The following AKAP3 variants were observed in gnomAD, a reference collection of about 807,000 sequenced individuals.
The protein encoded by AKAP3 is A-kinase anchoring protein 3.
Under a neutral mutation model 57.2 loss-of-function variants are expected in AKAP3, and 27 were observed. The observed-to-expected ratio is 0.47, with a 90% confidence interval of 0.35 to 0.65. AKAP3 has a LOEUF of 0.65. Among genes scored for constraint, AKAP3 ranks in the 30% least tolerant of loss-of-function variants. AKAP3 has a pLI of 0.01. For synonymous variants in AKAP3, 334 were observed against 392.3 expected, an observed-to-expected ratio of 0.85 and a Z score of 1.76; for missense variants, 959 against 1,040.0, an observed-to-expected ratio of 0.92 and a Z score of 1.07.
intron 5 of AKAP3, among the ~76,000 whole-genome samples, chr12:4,620,464 G>T (rs796626041): frequency 8.8e-5 from 9 of 101,832 alleles, no homozygotes; most frequent in Non-Finnish European, 1.8e-5. Context: ...GTGACAGAGC[G>T]AGACTGTCTC....
rs375126009 is a variant in AKAP3 at position 4,627,408 on chromosome 12, T to C, written c.1494A>G (p.Glu498=). The C allele has an allele frequency of 3.3e-5, 54 of 1,613,994 alleles. No homozygotes were observed. In the South Asian group the frequency reaches 5.6e-4, roughly 17 times the overall value. The change falls in exon 5 of 6, where the codon GAA becomes GAG. Residue 498 remains glutamate (E), a synonymous_variant. Transcript: ENST00000228850. Reference sequence around the variant, plus strand: ...GAGGAAGGCTGAGGTTGCCAATATCTTCAGGGTACTCAAAGGAAATGTCTG... The same window carrying C: ...GAGGAAGGCTGAGGTTGCCAATATCCTCAGGGTACTCAAAGGAAATGTCTG... The part of the protein sequence containing the change: ...PASDISFEYP[E]DIGNLSLPPY...
Position 4,627,352 on chromosome 12 carries a change from A to T in AKAP3, c.1550T>A (p.Met517Lys), listed in dbSNP as rs748250818. ...CTCGGCCCAGGAGTCTGAATCATAC[A>T]TAAAATTCTCAGGTTTCTCTGGAGG... is the stretch of plus-strand genomic sequence containing the variant. ...PYPPEKPENF[M>K]YDSDSWAEDL... The change falls in exon 5 of 6, where the codon ATG (methionine) becomes AAG (lysine). Residue 517 changes from methionine (M) to lysine (K), a missense_variant. By Grantham distance (95) the Met-to-Lys change is moderately conservative. Coordinates refer to ENST00000228850, the MANE Select transcript of AKAP3 (RefSeq NM_001278309.2). 6.2e-7 allele frequency: 1 copy of T among 1,614,028 alleles called. No homozygotes were observed. Among genetic ancestry groups the T allele is most frequent in the African/African-American group, 1.3e-5 (1 of 74,914 alleles).
chr12:4,629,510 G>A (rs1247030554), intron 4 of AKAP3, among the ~76,000 whole-genome samples: 1 of 152,036 alleles, frequency 6.6e-6, no homozygotes. Flanking sequence ...GAGAGGACAA[G>A]GAAAAATAAC....
chr12:4,643,093 G>A (rs1331483762), intron 2 of AKAP3, among the ~76,000 whole-genome samples: 9 of 152,108 alleles, frequency 5.9e-5, no homozygotes, highest in African/African-American at 2.2e-4. Context: ...CATCTTAAAA[G>A]TGCTTTTGTA....
At position 4,615,857 on chromosome 12, in the gene AKAP3, C is replaced by T. The variant is rs1206635501; in HGVS notation, c.2444G>A (p.Cys815Tyr). ...CGACTGCAGAACCTCGCCCACACTG[C>T]ATCCTTTGTCCACAGCAGCAGCTGA... ...QLSAAAVDKGCSVGEVLQSVL... is the reference protein window; with the variant it reads ...QLSAAAVDKGYSVGEVLQSVL... Residue 815 changes from cysteine (C) to tyrosine (Y), a missense_variant, in exon 6 of 6, where the codon TGC (cysteine) becomes TAC (tyrosine). Coordinates refer to ENST00000228850, the MANE Select transcript of AKAP3 (RefSeq NM_001278309.2). The T allele has an allele frequency of 6.2e-7, 1 of 1,614,238 alleles. No individual in the cohort carries two copies. The highest frequency in any genetic ancestry group is 2.2e-5 in the East Asian group (1 of 44,886).
At chr12:4,638,220 G>GA (rs1945590342) in intron 3 of AKAP3, 24 bp from the exon 4 acceptor site, 2 of 1,532,724 alleles carry the variant, frequency 1.3e-6, no homozygotes, top group African/African-American at 2.8e-5. Context: ...AAAAAAATGA[G>GA]AAAGGGTCAT....
At chr12:4,620,474 CAA>C (rs35307509) in intron 5 of AKAP3, among the ~76,000 whole-genome samples, 123 of 82,666 alleles carry the variant, frequency 1.5e-3, no homozygotes, top group African/African-American at 5.3e-3. Flanking sequence ...GAGACTGTCT[CAA>C]AAAAAAAAAA....
rs576794908 is a variant in AKAP3, at chr12:4,625,172, G to C, written c.2406+1324C>G. Among the ~76,000 whole-genome samples, 1 of 152,224 alleles carries C rather than the reference G, an allele frequency of 6.6e-6. No individual in the cohort carries two copies. The highest frequency in any genetic ancestry group is 1.9e-4 in the East Asian group (1 of 5,178). ...GACAGAGCTTGCCAACGACCCTTAGGAATAGATCTAATATTGGAAGTTCAC... is the reference window on the plus strand; with the variant it reads ...GACAGAGCTTGCCAACGACCCTTAGCAATAGATCTAATATTGGAAGTTCAC... On this transcript the variant is annotated intron_variant, in intron 5 of 5. Transcript: ENST00000228850. This position sits in a 1 kb window ranked among gnomAD's most constrained non-coding sequence, Gnocchi z 5.4.
chr12:4,628,507 G>C lies in AKAP3; in HGVS notation c.395C>G (p.Thr132Arg). ...DEVSFYANRL[T>R]NLVIAMARKE... The stretch of plus-strand genomic sequence containing the variant: ...GCGGGCCATGGCTATGACTAGATTC[G>C]TGAGGCGGTTAGCATAGAAGGAAAC... The change falls in exon 5 of 6, where the codon ACG (threonine) becomes AGG (arginine). Residue 132 changes from threonine to arginine, a missense_variant. Physicochemically the swap from Thr to Arg is moderately conservative, Grantham distance 71. Transcript: ENST00000228850. The C allele has an allele frequency of 6.2e-7, 1 of 1,614,192 alleles. No homozygotes were observed. Among genetic ancestry groups the C allele is most frequent in the Non-Finnish European group, 8.5e-7 (1 of 1,180,026 alleles).
chr12:4,637,606 C>T (rs530628471), intron 4 of AKAP3, among the ~76,000 whole-genome samples: 25 of 152,062 alleles, frequency 1.6e-4, no homozygotes, highest in East Asian at 1.2e-3. Flanking sequence ...TAGACCCTGA[C>T]GATACATTGC....
At chr12:4,620,351 C>T (rs1166192623) in intron 5 of AKAP3, among the ~76,000 whole-genome samples, 4 of 151,424 alleles carry the variant, frequency 2.6e-5, no homozygotes, top group African/African-American at 7.3e-5. Context: ...TTACAGTGCA[C>T]CTGTAATCCC....
intron 4 of AKAP3, chr12:4,636,223 G>A (rs1033151710): frequency 1.1e-4 from 52 of 467,132 alleles, no homozygotes; most frequent in East Asian, 6.7e-4. Flanking sequence ...GAATTCAAGC[G>A]GTCAATTTTC....
intron 3 of AKAP3, among the ~76,000 whole-genome samples, chr12:4,639,839 CAG>C (rs1427735518): frequency 1.7e-5 from 2 of 117,398 alleles, no homozygotes; most frequent in Non-Finnish European, 3.3e-5. Flanking sequence ...TTTTTTGAGA[CAG>C]AGTCTCGCTC....
At chr12:4,618,356 T>C (rs1310302198) in intron 5 of AKAP3, among the ~76,000 whole-genome samples, 1 of 152,228 alleles carries the variant, frequency 6.6e-6, no homozygotes, top group African/African-American at 2.4e-5. Context: ...GATGGATAAT[T>C]CAGAGGGGCC....
chr12:4,632,638 TTTTG>T (rs961177619), intron 4 of AKAP3, among the ~76,000 whole-genome samples: 5 of 146,836 alleles, frequency 3.4e-5, no homozygotes, highest in African/African-American at 7.7e-5. Context: ...GTTTGTTTGT[TTTTG>T]TTTTTGTTTT....
chr12:4,628,028 C>G lies in AKAP3; in HGVS notation c.874G>C (p.Val292Leu). ...ATGGAGACCATCATATCAGATACCA[C>G]ACTGTTAGCATAGGTCATGATCCCT... ...SEGIMTYANS[V>L]VSDMMVSIMK... Residue 292 changes from valine (V) to leucine (L), a missense_variant, in exon 5 of 6, where the codon GTG becomes CTG. Val to Leu is a conservative substitution (Grantham distance 32). Coordinates refer to ENST00000228850, the MANE Select transcript of AKAP3 (RefSeq NM_001278309.2). The G allele has an allele frequency of 1.2e-6, 2 of 1,614,112 alleles. No individual in the cohort carries two copies. The highest frequency in any genetic ancestry group is 1.7e-6 in the Non-Finnish European group (2 of 1,180,004).
chr12:4,626,444 C>A, intron 5 of AKAP3, 52 bp downstream of exon 5: 1 of 1,558,456 alleles, frequency 6.4e-7, no homozygotes, highest in South Asian at 1.2e-5. Flanking sequence ...GAACTTAAAG[C>A]CCTAGTTAAA....
rs1291722672 is a variant in AKAP3, at chr12:4,635,622, ATGCT to A, written c.96+2475_96+2478del. 9.2e-5 allele frequency: 71 copies of A among 769,812 alleles called. No homozygotes were observed. The Admixed American group carries it at 1.4e-3, about 15-fold the overall frequency. 47.7% of individuals were successfully genotyped at this position (769,812 alleles called of 1,614,324 possible). On this transcript the variant is annotated intron_variant, in intron 4 of 5. Transcript: ENST00000228850. ...GATAAAGCTATTACAATATCAGGACATGCTTGCCTCTGAAGTTCTTTAACCCAAT... is the reference window on the plus strand; with the variant it reads ...GATAAAGCTATTACAATATCAGGACATGCCTCTGAAGTTCTTTAACCCAAT...
At chr12:4,641,062 C>CTTTTTTTTTTTTTTTT (rs374817430) in intron 3 of AKAP3, among the ~76,000 whole-genome samples, 1 of 68,700 alleles carries the variant, frequency 1.5e-5, no homozygotes, top group Non-Finnish European at 2.5e-5. Flanking sequence ...TTCTAACTTC[C>CTTTTTTTTTTTTTTTT]TTTTTTTTTT....
Sources: allele counts gnomAD v4.1 joint callset (sites outside exome capture counted in the v4.1 genomes callset), GRCh38; gene constraint gnomAD v4.1.1; non-coding constraint Gnocchi (gnomAD v3.1); transcripts MANE v1.5; gene names NCBI Gene and HGNC (gene_info 2026-07-23, HGNC 2026-07-21).